CUX2: variants seen among roughly 807,000 people sequenced by gnomAD.
CUX2 encodes the protein cut like homeobox 2, also known as homeobox protein cut-like 2.
CUX2 carries 40 observed loss-of-function variants against 144.8 expected under a neutral mutation model. That is an observed-to-expected ratio of 0.28 (90% CI 0.21 to 0.36). The LOEUF (loss-of-function observed/expected upper bound fraction) is 0.36. Ranked by LOEUF, CUX2 falls within the 10% of genes least tolerant of loss-of-function variation. The probability of loss-of-function intolerance (pLI) is 1.00; values close to 1 mark genes in which losing one functional copy is unlikely to be tolerated. For synonymous variants in CUX2, 827 were observed against 875.6 expected (o/e 0.94, Z 0.98); for missense variants, 1,615 against 1,994.0 (o/e 0.81, Z 3.62).
intron 3 of CUX2, among the ~76,000 whole-genome samples, chr12:111,250,087 C>T (rs1883491554): frequency 6.6e-6 from 1 of 150,580 alleles, no homozygotes; most frequent in Non-Finnish European, 1.5e-5. Flanking sequence ...ATGGCTGCTA[C>T]AAAAAAAAAG....
intron 1 of CUX2, among the ~76,000 whole-genome samples, chr12:111,195,379 GA>G (rs11285650): frequency 0.014 from 2,027 of 148,352 alleles, 43 homozygotes; most frequent in African/African-American, 0.046. Context: ...ACCCCTAGGA[GA>G]AAAAAAAAAG....
intron 15 of CUX2, among the ~76,000 whole-genome samples, chr12:111,311,361 C>T (rs1199354646): frequency 6.6e-6 from 1 of 152,086 alleles, no homozygotes; most frequent in African/African-American, 2.4e-5. Flanking sequence ...AAGCTCAGCT[C>T]ACTGCAACCT....
intron 4 of CUX2, among the ~76,000 whole-genome samples, chr12:111,274,956 AAAAAAAAC>A (rs1884793569): frequency 1.3e-5 from 2 of 151,928 alleles, no homozygotes; most frequent in East Asian, 1.9e-4. Flanking sequence ...TGATTCAAAA[AAAAAAAAC>A]AAAAAAACAA....
intron 18 of CUX2, among the ~76,000 whole-genome samples, chr12:111,328,262 C>A (rs140294685): frequency 6.6e-6 from 1 of 152,156 alleles, no homozygotes; most frequent in Admixed American, 6.5e-5. Flanking sequence ...AGGACCTGTC[C>A]AAGCCCCGCT....
At position 111,143,763 on chromosome 12, in the gene CUX2, C is replaced by T. The variant is rs202182111; in HGVS notation, c.64-70437C>T. Among the ~76,000 whole-genome samples the T allele has an allele frequency of 6.6e-5, 10 of 152,244 alleles. No individual in the cohort carries two copies. In the East Asian group the frequency reaches 1.9e-3, roughly 29 times the overall value. On this transcript the variant is annotated intron_variant, in intron 1 of 21. Transcript: ENST00000261726. ...CCTGTGCTAAGCACTGTCCACCACC[C>T]GGCTTCCCTGCATGCCTGGCATGGG...
Position 111,087,201 on chromosome 12 carries a change from A to AAC in CUX2, c.63+52973_63+52974dup, listed in dbSNP as rs371349764. 3.6e-3 allele frequency among the ~76,000 whole-genome samples: 547 copies of AAC among 151,306 alleles called. 4 individuals carry two copies. The highest frequency in any genetic ancestry group is 0.01 in the African/African-American group (422 of 41,244). ...TGAAACCCTGTCTCTACCAAAAATA[A>AAC]ACACACACACACAAAAATTAGCTGG... On this transcript the variant is annotated intron_variant, in intron 1 of 21. Transcript: ENST00000261726.
At chr12:111,259,484 T>C (rs1196029647) in intron 3 of CUX2, among the ~76,000 whole-genome samples, 5 of 152,168 alleles carry the variant, frequency 3.3e-5, no homozygotes, top group South Asian at 2.1e-4. Flanking sequence ...TTGCCAACCA[T>C]TGATCCATGA....
chr12:111,216,115 G>C (rs1253572459), intron 2 of CUX2, among the ~76,000 whole-genome samples: 1 of 152,188 alleles, frequency 6.6e-6, no homozygotes, highest in South Asian at 2.1e-4. Flanking sequence ...CAGATGAGGC[G>C]GCATGCTTCT....
chr12:111,341,667 G>T, intron 20 of CUX2, 113 bp from the exon 21 acceptor site: 3 of 1,275,610 alleles, frequency 2.4e-6, no homozygotes, highest in South Asian at 2.9e-5. Flanking sequence ...CTTAGGGCAT[G>T]ATGGCCTCCG....
At chr12:111,281,223 C>A (rs1885101111) in intron 4 of CUX2, among the ~76,000 whole-genome samples, 1 of 152,204 alleles carries the variant, frequency 6.6e-6, no homozygotes, top group Non-Finnish European at 1.5e-5. Flanking sequence ...CCCATCTCCC[C>A]CAACTCCACT....
At chr12:111,094,761 C>T (rs190167958) in intron 1 of CUX2, among the ~76,000 whole-genome samples, 24 of 152,332 alleles carry the variant, frequency 1.6e-4, no homozygotes, top group Admixed American at 1.3e-3. Context: ...GCCTCCCAAA[C>T]TGCTGAGATG....
intron 18 of CUX2, among the ~76,000 whole-genome samples, chr12:111,330,712 T>TACATATACATATATATATATATAC (rs1218061628): frequency 3.7e-5 from 1 of 27,250 alleles, no homozygotes; most frequent in African/African-American, 1.5e-4. Context: ...TATATATATA[T>TACATATACATATATATATATATAC]ATATATATAT....
At chr12:111,264,079 C>T (rs1884264276) in intron 4 of CUX2, among the ~76,000 whole-genome samples, 1 of 152,132 alleles carries the variant, frequency 6.6e-6, no homozygotes, top group Non-Finnish European at 1.5e-5. Context: ...TAGGGGGACT[C>T]CTGATGAGAT....
Position 111,338,318 on chromosome 12 carries a change from C to T in CUX2, c.3229C>T (p.Leu1077=). The change falls in exon 20 of 22, where the codon CTG becomes TTG. Residue 1077 remains leucine (L), a synonymous_variant. Transcript: ENST00000261726. ...GCTGTTTGGGGAAAGCATCCTGGGT[C>T]TGACACAGGGCTCCGTGTCTGACCT... The part of the protein sequence containing the change: ...QRLFGESILG[L]TQGSVSDLLS... The T allele has an allele frequency of 5.0e-6, 8 of 1,613,276 alleles. No individual in the cohort carries two copies. Among genetic ancestry groups the T allele is most frequent in the Non-Finnish European group, 6.8e-6 (8 of 1,179,664 alleles).
intron 1 of CUX2, among the ~76,000 whole-genome samples, chr12:111,127,057 C>G (rs1206649124): frequency 1.3e-5 from 2 of 151,918 alleles, no homozygotes; most frequent in African/African-American, 2.4e-5. Flanking sequence ...CTTATGTTAC[C>G]TAATAAGGGA....
chr12:111,161,130 G>C (rs1043247031), intron 1 of CUX2, among the ~76,000 whole-genome samples: 2 of 152,164 alleles, frequency 1.3e-5, no homozygotes, highest in Non-Finnish European at 2.9e-5. Flanking sequence ...TTGCCTGGCT[G>C]CCCTGGGCTC....
intron 1 of CUX2, among the ~76,000 whole-genome samples, chr12:111,163,653 C>T (rs113171404): frequency 0.026 from 3,895 of 152,250 alleles, 179 homozygotes; most frequent in African/African-American, 0.09. Context: ...ACCTTGGCAC[C>T]GTTTGGCTAT....
At chr12:111,181,183 A>G (rs1879151005) in intron 1 of CUX2, among the ~76,000 whole-genome samples, 1 of 152,210 alleles carries the variant, frequency 6.6e-6, no homozygotes, top group African/African-American at 2.4e-5. Context: ...CGGTTTGTGC[A>G]TTCTGAGGAA....
chr12:111,187,900 G>C (rs1017433433), intron 1 of CUX2, among the ~76,000 whole-genome samples: 5 of 152,244 alleles, frequency 3.3e-5, no homozygotes, highest in African/African-American at 1.2e-4. Flanking sequence ...CAGAGCCCCA[G>C]GTGGGCACAG....
Sources: gnomAD v4.1 joint callset for allele counts (sites outside exome capture counted in the v4.1 genomes callset) on GRCh38, gnomAD v4.1.1 for gene constraint, MANE v1.5 for transcripts, NCBI Gene and HGNC (gene_info 2026-07-23, HGNC 2026-07-21) for gene names.